Variants in EDARADD observed in about 807,000 individuals in gnomAD.
EDARADD encodes the protein ectodysplasin-A receptor-associated adapter protein.
A neutral mutation model predicts 25.6 loss-of-function variants in EDARADD; 20 were observed. The observed-to-expected ratio is 0.78, with a 90% CI of 0.55 to 1.14. EDARADD has a LOEUF of 1.14. Among genes scored for constraint, EDARADD ranks in the 50% most tolerant of loss-of-function variants. EDARADD has a pLI of 0.00. For missense variants in EDARADD, 225 were observed against 270.1 expected (o/e 0.83, Z 1.17); for synonymous variants, 86 against 94.4 (o/e 0.91, Z 0.52).
At chr1:236,457,589 G>A (rs966207591) in intron 4 of EDARADD, among the ~76,000 whole-genome samples, 2 of 152,052 alleles carry the variant, frequency 1.3e-5, no homozygotes, top group African/African-American at 2.4e-5. Flanking sequence ...GGGAGGCTGA[G>A]GGGGGCGGAC....
intron 4 of EDARADD, among the ~76,000 whole-genome samples, chr1:236,443,149 T>G (rs1658446585): frequency 6.6e-6 from 1 of 152,228 alleles, no homozygotes; most frequent in Non-Finnish European, 1.5e-5. Context: ...CCTCACCAGA[T>G]GCAGCCCCTC....
chr1:236,425,521 CACAA>C (rs145636381), intron 3 of EDARADD, among the ~76,000 whole-genome samples: 2,305 of 152,328 alleles, frequency 0.015, 60 homozygotes, highest in African/African-American at 0.053. Context: ...GGATGCACTT[CACAA>C]ACAGTGCCTG....
chr1:236,484,419 A>C lies in EDARADD; in HGVS notation c.*1770A>C, dbSNP rs1065605. 20 of 1,610,538 alleles carry C rather than the reference A, an allele frequency of 1.2e-5. No individual in the cohort carries two copies. The highest frequency in any genetic ancestry group is 1.7e-5 in the Non-Finnish European group (20 of 1,177,998). On this transcript the variant is annotated 3_prime_UTR_variant, in exon 6 of 6. Coordinates refer to ENST00000334232, the MANE Select transcript of EDARADD (RefSeq NM_145861.4). This position sits in a 1 kb window ranked among gnomAD's most constrained non-coding sequence, Gnocchi z 4.1. ...CCTCAGAATTGAAGAGGAGCTGGGCAGCAAGGCTAAGTTTGCCGGCAGGAA... is the reference window on the plus strand; with the variant it reads ...CCTCAGAATTGAAGAGGAGCTGGGCCGCAAGGCTAAGTTTGCCGGCAGGAA...
chr1:236,446,909 A>G (rs1658554818), intron 4 of EDARADD, among the ~76,000 whole-genome samples: 1 of 152,190 alleles, frequency 6.6e-6, no homozygotes, highest in Non-Finnish European at 1.5e-5. Context: ...TAGTGTCCAC[A>G]TTTGATCAGG....
chr1:236,466,614 G>C (rs548718292), intron 4 of EDARADD, among the ~76,000 whole-genome samples: 1 of 152,246 alleles, frequency 6.6e-6, no homozygotes, highest in East Asian at 1.9e-4. Flanking sequence ...AGTCTAGCTG[G>C]TAACACATGG....
At chr1:236,366,297 G>A (rs1207252329) in intron 3 of EDARADD, among the ~76,000 whole-genome samples, 1 of 152,300 alleles carries the variant, frequency 6.6e-6, no homozygotes, top group East Asian at 1.9e-4. Flanking sequence ...TTAGGTGGGT[G>A]TGGAGCAGTG....
At chr1:236,405,725 T>TTTCC (rs1667696516) in intron 1 of EDARADD, among the ~76,000 whole-genome samples, 1 of 120,436 alleles carries the variant, frequency 8.3e-6, no homozygotes, top group Non-Finnish European at 1.7e-5. Flanking sequence ...CTTCCTTTCT[T>TTTCC]TTTCTTTCTT....
rs1208870312 is a variant in EDARADD, at chr1:236,482,251, T to C, written c.266-16T>C. 6.2e-7 allele frequency: 1 copy of C among 1,614,078 alleles called. No homozygotes were observed. Among genetic ancestry groups the C allele is most frequent in the African/African-American group, 1.3e-5 (1 of 74,934 alleles). On this transcript the variant is annotated splice_polypyrimidine_tract_variant and intron_variant, in intron 5 of 5. Coordinates refer to ENST00000334232, the MANE Select transcript of EDARADD (RefSeq NM_145861.4). The stretch of plus-strand genomic sequence containing the variant: ...GCCTCTTGTTGACCTGTGGACTAAA[T>C]TGTTTCTCCCTGCAGAGATCAGCAA...
At chr1:236,475,854 T>C (rs1222047360) in intron 5 of EDARADD, among the ~76,000 whole-genome samples, 1 of 152,144 alleles carries the variant, frequency 6.6e-6, no homozygotes, top group Non-Finnish European at 1.5e-5. Flanking sequence ...ATGGTTGATA[T>C]GATTGTTCAA....
Position 236,394,330 on chromosome 1 carries a change from A to G in EDARADD, c.-115A>G. 8.7e-7 allele frequency: 1 copy of G among 1,148,264 alleles called. No homozygotes were observed. Among genetic ancestry groups the G allele is most frequent in the Admixed American group, 1.8e-5 (1 of 54,868 alleles). 71.1% of individuals were successfully genotyped at this position (1,148,264 alleles called of 1,614,324 possible). A position where few individuals can be genotyped will look rare whatever the true frequency, so the allele number is the denominator to read the frequency against. On this transcript the variant is annotated 5_prime_UTR_variant, in exon 1 of 6. Coordinates refer to ENST00000334232, the MANE Select transcript of EDARADD (RefSeq NM_145861.4). ...CCTCCCACCTACAAATTCCCCAGAG[A>G]GCTTTCATCTAGAAGGTTTGACTCT...
chr1:236,472,863 A>G (rs536343181), intron 5 of EDARADD, among the ~76,000 whole-genome samples: 4 of 152,278 alleles, frequency 2.6e-5, no homozygotes, highest in African/African-American at 4.8e-5. Flanking sequence ...AGCTGCTGCT[A>G]AAGCTCATGC....
chr1:236,377,642 A>G (rs1420600625), intron 3 of EDARADD, among the ~76,000 whole-genome samples: 11 of 151,022 alleles, frequency 7.3e-5, no homozygotes, highest in Admixed American at 5.3e-4. Flanking sequence ...GGCAGATCAT[A>G]AGGTCAAGAA....
At chr1:236,390,354 G>T (rs1667406845), upstream of EDARADD, among the ~76,000 whole-genome samples, 1 of 152,162 alleles carries the variant, frequency 6.6e-6, no homozygotes, top group Non-Finnish European at 1.5e-5. Flanking sequence ...AGGAGATCAA[G>T]ACCATCCTGG....
Position 236,472,222 on chromosome 1 carries a change from C to A in EDARADD, c.265+3946C>A, listed in dbSNP as rs182981989. 3.9e-5 allele frequency among the ~76,000 whole-genome samples: 6 copies of A among 152,232 alleles called. No homozygotes were observed. In the East Asian group the frequency reaches 1.2e-3, roughly 29 times the overall value. On this transcript the variant is annotated intron_variant, in intron 5 of 5. Coordinates refer to ENST00000334232, the MANE Select transcript of EDARADD (RefSeq NM_145861.4). ...CTGAGAACTCTTAATCATCCACAGA[C>A]ATGGTATCTCTCAAAGAGAAGTGGG...
In EDARADD at chr1:236,417,117, A is replaced by AAAAT. The variant is rs59744483; in HGVS notation, c.160+2845_160+2848dup. Among the ~76,000 whole-genome samples the AAAAT allele has an allele frequency of 6.7e-3, 1,008 of 150,630 alleles. 7 individuals carry two copies. The highest frequency in any genetic ancestry group is 0.019 in the African/African-American group (776 of 41,050). ...GGTAACAGAATGAGACCCTGTCTCA[A>AAAAT]AAATAAATAAATAAATAAATAAATA... On this transcript the variant is annotated intron_variant, in intron 3 of 5. Coordinates refer to ENST00000334232, the MANE Select transcript of EDARADD (RefSeq NM_145861.4).
intron 4 of EDARADD, among the ~76,000 whole-genome samples, chr1:236,435,775 G>A (rs1445973337): frequency 1.3e-5 from 2 of 152,124 alleles, no homozygotes; most frequent in African/African-American, 4.8e-5. Flanking sequence ...AGGAGTGGAG[G>A]ATTAAAAATA....
intron 1 of EDARADD, among the ~76,000 whole-genome samples, chr1:236,407,064 C>G (rs1372700119): frequency 6.6e-6 from 1 of 152,170 alleles, no homozygotes; most frequent in African/African-American, 2.4e-5. Context: ...GGCTCTGTCC[C>G]TTAGGGCCAC....
intron 4 of EDARADD, among the ~76,000 whole-genome samples, chr1:236,463,035 TTTAAG>T (rs1170740697): frequency 1.4e-5 from 2 of 146,124 alleles, no homozygotes; most frequent in African/African-American, 5.1e-5. Flanking sequence ...ACCTATATGA[TTTAAG>T]TTATTACATT....
chr1:236,480,135 A>ATATATATC (rs1257964139), intron 5 of EDARADD, among the ~76,000 whole-genome samples: 5 of 135,538 alleles, frequency 3.7e-5, no homozygotes, highest in Admixed American at 7.6e-5. Context: ...ATATATATAT[A>ATATATATC]TCACATTTTC....
Sources: allele counts gnomAD v4.1 joint callset (sites outside exome capture counted in the v4.1 genomes callset), GRCh38; gene constraint gnomAD v4.1.1; non-coding constraint Gnocchi (gnomAD v3.1); transcripts MANE v1.5; gene names NCBI Gene and HGNC (gene_info 2026-07-23, HGNC 2026-07-21).